MITF: variants seen among roughly 807,000 people sequenced by gnomAD.
MITF encodes the protein melanocyte inducing transcription factor, also known as microphthalmia-associated transcription factor.
MITF carries 17 observed loss-of-function variants against 60.5 expected under a neutral mutation model. The observed-to-expected ratio is 0.28, with a 90% CI of 0.19 to 0.42. The LOEUF (loss-of-function observed/expected upper bound fraction) is 0.42. MITF is among the 10% of genes least tolerant of loss of function. The pLI is 1.00. For synonymous variants in MITF, 260 were observed against 248.5 expected, an observed-to-expected ratio of 1.05 and a Z score of -0.43; for missense variants, 622 against 683.5, an observed-to-expected ratio of 0.91 and a Z score of 1.00.
chr3:69,879,797 A>C (rs146264547), intron 2 of MITF, among the ~76,000 whole-genome samples: 3 of 152,208 alleles, frequency 2.0e-5, no homozygotes, highest in African/African-American at 4.8e-5. Flanking sequence ...TGGTTGTAAA[A>C]TCTGACTGTT....
At chr3:69,746,755 G>T (rs1413956507) in intron 1 of MITF, among the ~76,000 whole-genome samples, 1 of 152,172 alleles carries the variant, frequency 6.6e-6, no homozygotes, top group East Asian at 1.9e-4. Context: ...GTACTCCGAG[G>T]ATAGGAATTA....
At chr3:69,801,664 G>T (rs1288563565) in intron 1 of MITF, among the ~76,000 whole-genome samples, 1 of 152,214 alleles carries the variant, frequency 6.6e-6, no homozygotes, top group Non-Finnish European at 1.5e-5. Flanking sequence ...ATTCCATGCA[G>T]TAGGAAGGCA....
chr3:69,955,143 T>C (rs1403254700), intron 7 of MITF, among the ~76,000 whole-genome samples: 1 of 152,206 alleles, frequency 6.6e-6, no homozygotes, highest in Non-Finnish European at 1.5e-5. Flanking sequence ...ACTTCAGTTC[T>C]AGGGCTGTGC....
At chr3:69,807,595 A>G (rs1402014975) in intron 1 of MITF, among the ~76,000 whole-genome samples, 1 of 152,242 alleles carries the variant, frequency 6.6e-6, no homozygotes, top group Non-Finnish European at 1.5e-5. Context: ...CTACAACAAC[A>G]TGCATACGAA....
At chr3:69,939,472 T>C (rs1296931569) in intron 4 of MITF, among the ~76,000 whole-genome samples, 1 of 152,098 alleles carries the variant, frequency 6.6e-6, no homozygotes, top group African/African-American at 2.4e-5. Context: ...ACATAATCCA[T>C]ATATGTTATA....
chr3:69,857,589 A>G (rs909501601), intron 1 of MITF, among the ~76,000 whole-genome samples: 14 of 151,866 alleles, frequency 9.2e-5, no homozygotes, highest in African/African-American at 3.4e-4. Flanking sequence ...GCAGTGATCT[A>G]GATCAAGTAT....
chr3:69,947,303 G>C (rs2066122062), intron 5 of MITF, among the ~76,000 whole-genome samples: 1 of 152,156 alleles, frequency 6.6e-6, no homozygotes, highest in African/African-American at 2.4e-5. Flanking sequence ...GGGGAATAAA[G>C]CTTTGGAATC....
Position 69,949,487 on chromosome 3 carries a change from A to G in MITF, c.880+319A>G, listed in dbSNP as rs141906380. Reference sequence around the variant, plus strand: ...GATAGTAGGCAACTCTTTCAGCTGTAACTGTCTCCACCCTACCTGATATGT... The same window carrying G: ...GATAGTAGGCAACTCTTTCAGCTGTGACTGTCTCCACCCTACCTGATATGT... On this transcript the variant is annotated intron_variant, in intron 6 of 9. Coordinates refer to ENST00000352241, the MANE Select transcript of MITF (RefSeq NM_001354604.2). 9.1e-4 allele frequency among the ~76,000 whole-genome samples: 138 copies of G among 152,208 alleles called. 1 individual carries two copies. The highest frequency in any genetic ancestry group is 3.3e-3 in the African/African-American group (135 of 41,534).
chr3:69,900,776 T>C (rs903522426), intron 2 of MITF, among the ~76,000 whole-genome samples: 2 of 152,184 alleles, frequency 1.3e-5, no homozygotes, highest in African/African-American at 2.4e-5. Flanking sequence ...TGAGGAGCAA[T>C]GCTCAATCAG....
chr3:69,776,113 A>G (rs1437542857), intron 1 of MITF, among the ~76,000 whole-genome samples: 1 of 152,222 alleles, frequency 6.6e-6, no homozygotes, highest in East Asian at 1.9e-4. Context: ...GAAAATAACT[A>G]GGGAAGTGGG....
chr3:69,739,633 A>C lies in MITF; in HGVS notation c.36A>C (p.Glu12Asp), dbSNP rs750693668. The change falls in exon 1 of 10, where the codon GAA becomes GAC. Residue 12 changes from glutamate (E) to aspartate (D), a missense_variant. By Grantham distance (45) the Glu-to-Asp change is conservative. Coordinates refer to ENST00000352241, the MANE Select transcript of MITF (RefSeq NM_001354604.2). ...AATCGGGGATCGTGCCGGATTTCGAAGTCGGGGAGGAGTTTCATGAAGAGC... is the reference window on the plus strand; with the variant it reads ...AATCGGGGATCGTGCCGGATTTCGACGTCGGGGAGGAGTTTCATGAAGAGC... ...QSESGIVPDF[E>D]VGEEFHEEPK... 1.9e-6 allele frequency: 3 copies of C among 1,583,714 alleles called. No homozygotes were observed. The South Asian group carries it at 3.5e-5, about 18-fold the overall frequency.
chr3:69,879,009 C>T, intron 1 of MITF, 125 bp from the exon 2 acceptor site: 1 of 767,080 alleles, frequency 1.3e-6, no homozygotes, highest in African/African-American at 1.7e-5. Context: ...GAGTACCATT[C>T]TGTGACTTGA....
intron 1 of MITF, among the ~76,000 whole-genome samples, chr3:69,858,117 G>C (rs2063951142): frequency 6.6e-6 from 1 of 151,856 alleles, no homozygotes; most frequent in African/African-American, 2.4e-5. Context: ...TTATTTCATG[G>C]TAATATTCAT....
chr3:69,743,286 G>A (rs548916362), intron 1 of MITF, among the ~76,000 whole-genome samples: 3 of 152,332 alleles, frequency 2.0e-5, no homozygotes, highest in East Asian at 1.9e-4. Context: ...AGAACAATGC[G>A]TGACACAATA....
chr3:69,849,629 G>A (rs780205161), intron 1 of MITF, among the ~76,000 whole-genome samples: 19 of 152,182 alleles, frequency 1.2e-4, no homozygotes, highest in Admixed American at 2.6e-4. Flanking sequence ...TGAGAAATGG[G>A]AAGAGCTTGG....
chr3:69,952,030 A>C, intron 7 of MITF, 144 bp downstream of exon 7: 1 of 686,312 alleles, frequency 1.5e-6, no homozygotes, highest in Non-Finnish European at 2.7e-6. Flanking sequence ...ATTTGACAGA[A>C]ACCAAGGTAT....
At chr3:69,897,458 A>G (rs950528318) in intron 2 of MITF, among the ~76,000 whole-genome samples, 2 of 152,186 alleles carry the variant, frequency 1.3e-5, no homozygotes, top group African/African-American at 4.8e-5. Context: ...ATTGGTCTAT[A>G]TTGGGAGTTG....
chr3:69,746,513 TG>T (rs201779808), intron 1 of MITF, among the ~76,000 whole-genome samples: 5 of 152,096 alleles, frequency 3.3e-5, no homozygotes, highest in African/African-American at 9.7e-5. Flanking sequence ...TCATTTTTTT[TG>T]TGTGTGTGTA....
At chr3:69,818,101 G>A (rs2063210420) in intron 1 of MITF, among the ~76,000 whole-genome samples, 1 of 152,116 alleles carries the variant, frequency 6.6e-6, no homozygotes, top group Non-Finnish European at 1.5e-5. Flanking sequence ...GTAATGCAGG[G>A]ACTTTTTCCT....
Sources: gnomAD v4.1 joint callset for allele counts (sites outside exome capture counted in the v4.1 genomes callset) on GRCh38, gnomAD v4.1.1 for gene constraint, MANE v1.5 for transcripts, NCBI Gene and HGNC (gene_info 2026-07-23, HGNC 2026-07-21) for gene names.